Variants in FAM217A observed in about 807,000 individuals in gnomAD.
FAM217A encodes family with sequence similarity 217 member A.
A neutral mutation model predicts 18.5 loss-of-function variants in FAM217A; 13 were observed. That is an observed-to-expected ratio of 0.70 (90% CI 0.46 to 1.12). FAM217A has a LOEUF of 1.12. Among genes scored for constraint, FAM217A ranks in the 50% most tolerant of loss-of-function variants. The probability of loss-of-function intolerance (pLI) is 0.00; values close to 1 mark genes in which losing one functional copy is unlikely to be tolerated. For synonymous variants in FAM217A, 161 were observed against 202.8 expected (o/e 0.79, Z 1.75); for missense variants, 560 against 575.4 (o/e 0.97, Z 0.27).
chr6:4,072,034 TCAAAAAAA>T (rs1355238448), intron 6 of FAM217A, among the ~76,000 whole-genome samples: 1 of 151,956 alleles, frequency 6.6e-6, no homozygotes, highest in Non-Finnish European at 1.5e-5. Flanking sequence ...AGTTTAAGAA[TCAAAAAAA>T]TAAGAATTAA....
chr6:4,078,049 C>CTTTT lies in FAM217A; in HGVS notation c.-34-605_-34-602dup, dbSNP rs10600748. 3.9e-4 allele frequency among the ~76,000 whole-genome samples: 44 copies of CTTTT among 113,982 alleles called. 1 individual carries two copies. The highest frequency in any genetic ancestry group is 1.3e-3 in the African/African-American group (35 of 27,142). 74.8% of individuals were successfully genotyped at this position (113,982 alleles called of 152,430 possible). A position where few individuals can be genotyped will look rare whatever the true frequency, so the allele number is the denominator to read the frequency against. ...AGGTATGGCTATCTGGAAAGAATCA[C>CTTTT]TTTTTTTTTTTTTTTTTTTTTTGAG... On this transcript the variant is annotated intron_variant, in intron 1 of 6. Transcript: ENST00000274673.
chr6:4,080,307 G>A (rs1199991549), upstream of FAM217A, among the ~76,000 whole-genome samples: 4 of 151,974 alleles, frequency 2.6e-5, no homozygotes, highest in African/African-American at 9.7e-5. Flanking sequence ...ATGACACCCC[G>A]TTGTTATTTA....
At position 4,073,339 on chromosome 6, in the gene FAM217A, T is replaced by A. The variant is rs762200158; in HGVS notation, c.238A>T (p.Ser80Cys). ...CATAATTGAAAGATCCCTTGTTTAC[T>A]ATTCTGATGACAGAAAAATAATGGG... ...SVHSQKSTQN[S>C]KQGIFQLWNC... Residue 80 changes from serine (S) to cysteine (C), a missense_variant, in exon 6 of 7, where the codon AGT (serine) becomes TGT (cysteine). Ser to Cys is a moderately radical substitution (Grantham distance 112). Coordinates refer to ENST00000274673, the MANE Select transcript of FAM217A (RefSeq NM_173563.3). 6.2e-7 allele frequency: 1 copy of A among 1,608,248 alleles called. No individual in the cohort carries two copies. The highest frequency in any genetic ancestry group is 8.5e-7 in the Non-Finnish European group (1 of 1,178,024).
At chr6:4,071,991 A>G (rs1161993312) in intron 6 of FAM217A, among the ~76,000 whole-genome samples, 2 of 152,226 alleles carry the variant, frequency 1.3e-5, no homozygotes, top group Admixed American at 6.5e-5. Context: ...TGTGTTTCCA[A>G]GAAGCCTTCT....
chr6:4,079,010 C>T lies in FAM217A; in HGVS notation c.-193G>A. On this transcript the variant is annotated 5_prime_UTR_variant, in exon 1 of 7. Transcript: ENST00000274673. ...AAGAGGGCGGCGGGCGGCTGGCGGC[C>T]TTGAGCGCAGCCCGGTCGGCAGTGC... 1 of 467,846 alleles carries T rather than the reference C, an allele frequency of 2.1e-6. No individual in the cohort carries two copies. The highest frequency in any genetic ancestry group is 3.8e-6 in the Non-Finnish European group (1 of 265,000). The allele number at this position is 467,846 out of a possible 1,614,324, so 29.0% of individuals were successfully genotyped here.
At chr6:4,072,578 C>G (rs1769500852) in intron 6 of FAM217A, among the ~76,000 whole-genome samples, 1 of 151,934 alleles carries the variant, frequency 6.6e-6, no homozygotes. Flanking sequence ...GCGTGACCAA[C>G]ATGGAGAAAC....
intron 1 of FAM217A, among the ~76,000 whole-genome samples, chr6:4,077,754 T>C (rs958379449): frequency 2.0e-5 from 3 of 152,198 alleles, no homozygotes; most frequent in African/African-American, 4.8e-5. Flanking sequence ...GAACAAACTA[T>C]GGTGAATTAT....
At chr6:4,080,117 C>T (rs1056254427), upstream of FAM217A, among the ~76,000 whole-genome samples, 41 of 152,134 alleles carry the variant, frequency 2.7e-4, no homozygotes, top group African/African-American at 8.5e-4. Flanking sequence ...GGCCATGTCC[C>T]TCTGAGAATC....
upstream of FAM217A, among the ~76,000 whole-genome samples, chr6:4,080,865 G>T (rs574384431): frequency 6.7e-6 from 1 of 148,494 alleles, no homozygotes; most frequent in Non-Finnish European, 1.5e-5. Context: ...TAACTCACAA[G>T]TCATTTTTCC....
Position 4,068,633 on chromosome 6 carries a change from C to T in FAM217A, c.*63G>A. On this transcript the variant is annotated 3_prime_UTR_variant, in exon 7 of 7. Transcript: ENST00000274673. Reference sequence around the variant, plus strand: ...AGTACCTGTGTCTTGGAATAATTAACCATATCTTAGTTGGGCTTCTTAGAG... The same window carrying T: ...AGTACCTGTGTCTTGGAATAATTAATCATATCTTAGTTGGGCTTCTTAGAG... The T allele has an allele frequency of 6.7e-7, 1 of 1,499,840 alleles. No homozygotes were observed. The highest frequency in any genetic ancestry group is 1.4e-5 in the South Asian group (1 of 73,068). The allele number at this position is 1,499,840 out of a possible 1,614,324, so 92.9% of individuals were successfully genotyped here. A position where few individuals can be genotyped will look rare whatever the true frequency, so the allele number is the denominator to read the frequency against.
chr6:4,080,011 C>T (rs544168167), upstream of FAM217A, among the ~76,000 whole-genome samples: 1 of 152,158 alleles, frequency 6.6e-6, no homozygotes, highest in East Asian at 1.9e-4. Flanking sequence ...GCTATCATCA[C>T]CCCCACCTTT....
upstream of FAM217A, among the ~76,000 whole-genome samples, chr6:4,081,326 C>G (rs1416395054): frequency 2.6e-5 from 4 of 152,018 alleles, no homozygotes; most frequent in East Asian, 7.7e-4. Flanking sequence ...TTTTTTGAGA[C>G]AGAGTCTTGC....
At chr6:4,080,652 G>A (rs1267186883), upstream of FAM217A, among the ~76,000 whole-genome samples, 1 of 152,114 alleles carries the variant, frequency 6.6e-6, no homozygotes, top group African/African-American at 2.4e-5. Flanking sequence ...CCGGAAGGAG[G>A]AAACCCTAAT....
chr6:4,068,639 C>A lies in FAM217A; in HGVS notation c.*57G>T, dbSNP rs980319362. The A allele has an allele frequency of 6.6e-7, 1 of 1,509,942 alleles. No individual in the cohort carries two copies. Among genetic ancestry groups the A allele is most frequent in the Non-Finnish European group, 8.8e-7 (1 of 1,130,528 alleles). 93.5% of individuals were successfully genotyped at this position (1,509,942 alleles called of 1,614,324 possible). A position where few individuals can be genotyped will look rare whatever the true frequency, so the allele number is the denominator to read the frequency against. On this transcript the variant is annotated 3_prime_UTR_variant, in exon 7 of 7. Transcript: ENST00000274673. ...TGTGTCTTGGAATAATTAACCATAT[C>A]TTAGTTGGGCTTCTTAGAGTAGATG... is the stretch of plus-strand genomic sequence containing the variant.
chr6:4,084,605 G>A (rs1257135970), exon 2 of FAM217A: 2 of 702,966 alleles, frequency 2.8e-6, no homozygotes, highest in South Asian at 1.5e-5. Context: ...GGTGTAACTT[G>A]AAGTCCCTTT....
At position 4,069,129 on chromosome 6, in the gene FAM217A, T is replaced by C. The variant is rs1488713784; in HGVS notation, c.1094A>G (p.Asn365Ser). ...ATTGCTCCAATTCCGTTTTAAAGCA[T>C]TTTGTTCAAGCTTACAAGAACCAGA... ...NNSGSCKLEQ[N>S]ALKRNWSNAG... Residue 365 changes from asparagine to serine, a missense_variant, in exon 7 of 7, where the codon AAT (asparagine) becomes AGT (serine). Coordinates refer to ENST00000274673, the MANE Select transcript of FAM217A (RefSeq NM_173563.3). The C allele has an allele frequency of 2.5e-6, 4 of 1,614,216 alleles. No homozygotes were observed. Among genetic ancestry groups the C allele is most frequent in the Non-Finnish European group, 3.4e-6 (4 of 1,180,032 alleles).
At chr6:4,077,535 G>T in intron 1 of FAM217A, 87 bp from the exon 2 acceptor site, 1 of 1,128,288 alleles carries the variant, frequency 8.9e-7, no homozygotes, top group Non-Finnish European at 1.3e-6. Flanking sequence ...CCCATCTAAA[G>T]GAGGTAAGAG....
Position 4,074,562 on chromosome 6 carries a change from T to C in FAM217A, c.145+15A>G. Reference sequence around the variant, plus strand: ...GATTCTTTCAGTATAAGTATACACATCTAGGATTTCTTACCACCTGCTGCT... The same window carrying C: ...GATTCTTTCAGTATAAGTATACACACCTAGGATTTCTTACCACCTGCTGCT... On this transcript the variant is annotated intron_variant, in intron 3 of 6. Transcript: ENST00000274673. 1 of 1,604,178 alleles carries C rather than the reference T, an allele frequency of 6.2e-7. No individual in the cohort carries two copies. Among genetic ancestry groups the C allele is most frequent in the Non-Finnish European group, 8.5e-7 (1 of 1,171,218 alleles).
chr6:4,079,762 CAT>C, upstream of FAM217A: 2 of 843,560 alleles, frequency 2.4e-6, no homozygotes, highest in Non-Finnish European at 3.1e-6. Context: ...AATATATTAA[CAT>C]AGAAGAAGAG....
Sources: allele counts gnomAD v4.1 joint callset (sites outside exome capture counted in the v4.1 genomes callset), GRCh38; gene constraint gnomAD v4.1.1; transcripts MANE v1.5; gene names NCBI Gene and HGNC (gene_info 2026-07-23, HGNC 2026-07-21).